The following CSMD1 variants were observed in gnomAD, a reference collection of about 807,000 sequenced individuals.
The protein encoded by CSMD1 is CUB and sushi domain-containing protein 1.
CSMD1 carries 213 observed loss-of-function variants against 417.5 expected under a neutral mutation model. The observed-to-expected ratio is 0.51, with a 90% CI of 0.46 to 0.57. CSMD1 has a LOEUF of 0.57. Ranked by LOEUF, CSMD1 falls within the 20% of genes least tolerant of loss-of-function variation. CSMD1 has a pLI of 0.00. For missense variants in CSMD1, 6,923 were observed against 4,529.7 expected, an observed-to-expected ratio of 1.53 and a Z score of -15.17; for synonymous variants, 2,862 against 1,736.8, an observed-to-expected ratio of 1.65 and a Z score of -16.11.
rs1799980496 is a variant in CSMD1 at position 4,078,940 on chromosome 8, TATG to T, written c.416-46844_416-46842del. 1.4e-4 allele frequency among the ~76,000 whole-genome samples: 2 copies of T among 14,044 alleles called. 1 individual carries two copies. The highest frequency in any genetic ancestry group is 4.5e-3 in the East Asian group (2 of 446). The allele number at this position is 14,044 out of a possible 152,430, so 9.2% of individuals were successfully genotyped here. A position where few individuals can be genotyped will look rare whatever the true frequency, so the allele number is the denominator to read the frequency against. ...ATATATATATATATATATATATATA[TATG>T]TATGTTGAAAAGCTATCTTCTCTTC... On this transcript the variant is annotated intron_variant, in intron 3 of 69. Coordinates refer to ENST00000635120, the MANE Select transcript of CSMD1 (RefSeq NM_033225.6).
intron 5 of CSMD1, among the ~76,000 whole-genome samples, chr8:3,836,729 A>C (rs1475770885): frequency 6.6e-6 from 1 of 152,148 alleles, no homozygotes; most frequent in Non-Finnish European, 1.5e-5. Context: ...GCAGAGTTTC[A>C]AGAGACAATG....
At chr8:4,429,288 T>G (rs1391475146) in intron 2 of CSMD1, among the ~76,000 whole-genome samples, 1 of 152,060 alleles carries the variant, frequency 6.6e-6, no homozygotes, top group Middle Eastern at 3.2e-3. Flanking sequence ...AGAGAATAAT[T>G]TCTCATCAAT....
intron 1 of CSMD1, among the ~76,000 whole-genome samples, chr8:4,967,442 A>G (rs972570504): frequency 1.3e-5 from 2 of 152,200 alleles, no homozygotes; most frequent in African/African-American, 4.8e-5. Flanking sequence ...TACTAAGGTA[A>G]GAGATGTTAA....
chr8:4,626,481 G>C (rs537081724), intron 2 of CSMD1, among the ~76,000 whole-genome samples: 1 of 152,088 alleles, frequency 6.6e-6, no homozygotes, highest in Non-Finnish European at 1.5e-5. Flanking sequence ...TGCAACATTT[G>C]AGCTTGGGAA....
chr8:3,628,317 T>C (rs1796595092), intron 7 of CSMD1, among the ~76,000 whole-genome samples: 1 of 152,166 alleles, frequency 6.6e-6, no homozygotes, highest in Admixed American at 6.6e-5. Context: ...CACACTTCTC[T>C]GGAACCATCC....
chr8:4,635,454 T>A (rs1436307490), intron 2 of CSMD1, among the ~76,000 whole-genome samples: 1 of 152,104 alleles, frequency 6.6e-6, no homozygotes, highest in Non-Finnish European at 1.5e-5. Context: ...GACATACCTG[T>A]CAGTCAAATT....
intron 52 of CSMD1, among the ~76,000 whole-genome samples, chr8:3,004,497 G>C (rs186520561): frequency 2.6e-3 from 400 of 152,238 alleles, no homozygotes; most frequent in African/African-American, 9.2e-3. Flanking sequence ...GAACCCAGCA[G>C]GACTGAGAAG....
At chr8:3,075,510 A>G (rs1813597383) in intron 49 of CSMD1, among the ~76,000 whole-genome samples, 2 of 151,154 alleles carry the variant, frequency 1.3e-5, no homozygotes, top group South Asian at 4.2e-4. Context: ...CGAACTCCCA[A>G]CCTCAGCTGT....
At chr8:4,471,952 G>A (rs1800559945) in intron 2 of CSMD1, among the ~76,000 whole-genome samples, 2 of 152,134 alleles carry the variant, frequency 1.3e-5, no homozygotes, top group Admixed American at 6.5e-5. Flanking sequence ...GTGCAAAACA[G>A]TGAATAGGAA....
intron 6 of CSMD1, among the ~76,000 whole-genome samples, chr8:3,748,848 T>C (rs946298021): frequency 6.6e-6 from 1 of 152,184 alleles, no homozygotes; most frequent in East Asian, 1.9e-4. Context: ...ACAAACTAAT[T>C]ATTTGTGTCA....
intron 3 of CSMD1, among the ~76,000 whole-genome samples, chr8:4,236,053 T>G (rs1200450830): frequency 2.8e-3 from 122 of 44,290 alleles, no homozygotes; most frequent in South Asian, 0.013. Context: ...TTTTTTTTTT[T>G]TTTTTTTTTT....
chr8:4,151,640 T>C (rs1210477164), intron 3 of CSMD1, among the ~76,000 whole-genome samples: 1 of 152,164 alleles, frequency 6.6e-6, no homozygotes, highest in Non-Finnish European at 1.5e-5. Flanking sequence ...TTATCAAGAA[T>C]CTGTGGCATC....
chr8:3,617,469 CTT>C (rs1015921335), intron 7 of CSMD1, among the ~76,000 whole-genome samples: 1 of 151,574 alleles, frequency 6.6e-6, no homozygotes, highest in Non-Finnish European at 1.5e-5. Context: ...TAACACATTT[CTT>C]TTTTTTTCTC....
At chr8:3,018,426 T>C in intron 52 of CSMD1, 51 bp downstream of exon 52, 2 of 1,554,672 alleles carry the variant, frequency 1.3e-6, no homozygotes, top group South Asian at 1.1e-5. Context: ...CTGTAATCTA[T>C]TTCTAAGGTT....
rs576520836 is a variant in CSMD1 at position 3,386,544 on chromosome 8, T to G, written c.2782+950A>C. On this transcript the variant is annotated intron_variant, in intron 18 of 69. Transcript: ENST00000635120. The stretch of plus-strand genomic sequence containing the variant: ...TGAGTGATCTGCAGTTAAGCAGAAT[T>G]TTTCCATAAACCCTGTTATTTTGGG... Among the ~76,000 whole-genome samples the G allele has an allele frequency of 2.9e-4, 44 of 152,298 alleles. 1 individual carries two copies. The highest frequency in any genetic ancestry group is 1.3e-3 in the Admixed American group (20 of 15,300).
At chr8:4,567,961 C>A (rs570837633) in intron 2 of CSMD1, among the ~76,000 whole-genome samples, 158 of 152,250 alleles carry the variant, frequency 1.0e-3, no homozygotes, top group African/African-American at 3.3e-3. Flanking sequence ...ATTCTTACAG[C>A]ACAAGGACTG....
intron 1 of CSMD1, among the ~76,000 whole-genome samples, chr8:4,907,662 T>C (rs1448227342): frequency 6.6e-6 from 1 of 152,062 alleles, no homozygotes; most frequent in Non-Finnish European, 1.5e-5. Flanking sequence ...CAGGCTCTAA[T>C]GATCCTCCTA....
Position 3,506,380 on chromosome 8 carries a change from G to C in CSMD1, c.1345-12654C>G, listed in dbSNP as rs533832825. ...CATGCTAACAAGAACACTGGAGGTA[G>C]GGGAGTAAACACGTTTTTACACATG... On this transcript the variant is annotated intron_variant, in intron 10 of 69. Coordinates refer to ENST00000635120, the MANE Select transcript of CSMD1 (RefSeq NM_033225.6). 3.3e-5 allele frequency among the ~76,000 whole-genome samples: 5 copies of C among 152,320 alleles called. No individual in the cohort carries two copies. The South Asian group carries it at 1.0e-3, about 32-fold the overall frequency.
In CSMD1 at chr8:3,676,145, G is replaced by A. The variant is rs540114348; in HGVS notation, c.1009+32269C>T. On this transcript the variant is annotated intron_variant, in intron 7 of 69. Coordinates refer to ENST00000635120, the MANE Select transcript of CSMD1 (RefSeq NM_033225.6). ...TAAGATACTATTATACCTAGAATAGGTAAATTGTTTATTTTCTTCTGCTCA... is the reference window on the plus strand; with the variant it reads ...TAAGATACTATTATACCTAGAATAGATAAATTGTTTATTTTCTTCTGCTCA... Among the ~76,000 whole-genome samples the A allele has an allele frequency of 2.0e-5, 3 of 152,138 alleles. 1 individual carries two copies. The highest frequency in any genetic ancestry group is 4.1e-4 in the South Asian group (2 of 4,826).
Sources: allele counts gnomAD v4.1 joint callset (sites outside exome capture counted in the v4.1 genomes callset), GRCh38; gene constraint gnomAD v4.1.1; transcripts MANE v1.5; gene names NCBI Gene and HGNC (gene_info 2026-07-23, HGNC 2026-07-21).